The following SATB2 variants were observed in gnomAD, a reference collection of about 807,000 sequenced individuals.
The protein encoded by SATB2 is SATB homeobox 2.
SATB2 carries 1 observed loss-of-function variant against 73.4 expected under a neutral mutation model. That is an observed-to-expected ratio of 0.01 (90% CI 0.00 to 0.06). The LOEUF is 0.06. Ranked by LOEUF, SATB2 falls within the 10% of genes least tolerant of loss-of-function variation. The pLI is 1.00. For missense variants in SATB2, 459 were observed against 945.8 expected (o/e 0.49, Z 6.75); for synonymous variants, 397 against 367.0 (o/e 1.08, Z -0.93).
chr2:199,332,875 G>A (rs1181226916), intron 7 of SATB2, among the ~76,000 whole-genome samples: 1 of 152,076 alleles, frequency 6.6e-6, no homozygotes, highest in East Asian at 1.9e-4. Flanking sequence ...GGACAGGTGA[G>A]AAATTACCTT....
upstream of SATB2, chr2:199,460,665 T>C (rs1277806366): frequency 6.6e-6 from 1 of 152,342 alleles, no homozygotes; most frequent in African/African-American, 2.4e-5. The surrounding 1 kb of genome is among the most constrained non-coding windows in gnomAD (Gnocchi z 4.0). Context: ...AACACCACTG[T>C]CTGAAGATCT....
At chr2:199,336,928 T>C (rs1688353511) in intron 7 of SATB2, among the ~76,000 whole-genome samples, 1 of 152,216 alleles carries the variant, frequency 6.6e-6, no homozygotes, top group African/African-American at 2.4e-5. Context: ...AAAATAATTC[T>C]GCTTCCCTTA....
intron 9 of SATB2, among the ~76,000 whole-genome samples, chr2:199,311,912 G>A (rs906925623): frequency 2.0e-5 from 3 of 152,142 alleles, no homozygotes; most frequent in African/African-American, 7.2e-5. Flanking sequence ...GTGCCACGCA[G>A]TTGCATGAAC....
intron 5 of SATB2, among the ~76,000 whole-genome samples, chr2:199,372,684 C>T (rs2105855508): frequency 6.6e-6 from 1 of 152,268 alleles, no homozygotes; most frequent in Non-Finnish European, 1.5e-5. Flanking sequence ...GAAACATTCA[C>T]CACCACCTCC....
rs1489023401 is a variant in SATB2 at position 199,463,600 on chromosome 2, C to T, written c.-141+1236G>A. ...CGTGGGCTGAGGCCGAAACCTTCGG[C>T]GCCGGCTCTGCCGGTCGCGTCCCGG... On this transcript the variant is annotated intron_variant, in intron 1 of 11. Coordinates refer to the SATB2 transcript ENST00000260926. The surrounding 1 kb of genome is among the most constrained non-coding windows in gnomAD (Gnocchi z 6.4). 6.6e-6 allele frequency among the ~76,000 whole-genome samples: 1 copy of T among 152,198 alleles called. No homozygotes were observed. Among genetic ancestry groups the T allele is most frequent in the East Asian group, 1.9e-4 (1 of 5,174 alleles).
intron 6 of SATB2, among the ~76,000 whole-genome samples, chr2:199,351,166 T>C (rs553640968): frequency 2.6e-5 from 4 of 151,632 alleles, no homozygotes; most frequent in African/African-American, 9.7e-5. Context: ...GCTTGCTTTT[T>C]TTTTTTTTTT....
chr2:199,299,920 C>T (rs1031876122), intron 10 of SATB2, among the ~76,000 whole-genome samples: 2 of 152,100 alleles, frequency 1.3e-5, no homozygotes, highest in African/African-American at 4.8e-5. Flanking sequence ...AATGACACAT[C>T]AATATCTACA....
intron 3 of SATB2, among the ~76,000 whole-genome samples, chr2:199,409,743 T>A (rs1340152205): frequency 6.6e-6 from 1 of 152,044 alleles, no homozygotes; most frequent in African/African-American, 2.4e-5. Flanking sequence ...GAAGGAGGAA[T>A]CTTTACTTGA....
At chr2:199,288,808 T>C (rs1692762028) in intron 10 of SATB2, among the ~76,000 whole-genome samples, 1 of 152,140 alleles carries the variant, frequency 6.6e-6, no homozygotes, top group Non-Finnish European at 1.5e-5. Context: ...TGACATATTA[T>C]AGTTTATTAT....
At chr2:199,383,826 A>G (rs1689849205) in intron 3 of SATB2, among the ~76,000 whole-genome samples, 1 of 152,218 alleles carries the variant, frequency 6.6e-6, no homozygotes, top group African/African-American at 2.4e-5. Flanking sequence ...CAGACACAAC[A>G]GAATATATCT....
intron 7 of SATB2, among the ~76,000 whole-genome samples, chr2:199,346,517 T>C (rs1275350270): frequency 3.9e-5 from 6 of 152,176 alleles, no homozygotes; most frequent in Non-Finnish European, 8.8e-5. Context: ...TTAAATCGCC[T>C]ACATAATAGA....
intron 6 of SATB2, among the ~76,000 whole-genome samples, chr2:199,351,209 T>G (rs1688809842): frequency 6.6e-6 from 1 of 151,196 alleles, no homozygotes; most frequent in South Asian, 2.1e-4. Flanking sequence ...TTGCCCAGGC[T>G]ATAGTGCAAT....
intron 7 of SATB2, among the ~76,000 whole-genome samples, chr2:199,338,008 T>A (rs553267623): frequency 2.0e-5 from 3 of 152,284 alleles, no homozygotes; most frequent in African/African-American, 7.2e-5. Context: ...ACTGTAAATA[T>A]AACATCACTC....
At chr2:199,336,685 A>T (rs1258445135) in intron 7 of SATB2, among the ~76,000 whole-genome samples, 2 of 152,210 alleles carry the variant, frequency 1.3e-5, no homozygotes, top group South Asian at 2.1e-4. Flanking sequence ...GACACGTCAC[A>T]GTCCTAATGA....
chr2:199,386,697 C>CGT (rs1286903606), intron 3 of SATB2, among the ~76,000 whole-genome samples: 7 of 382 alleles, frequency 0.018, no homozygotes, highest in African/African-American at 0.032. Flanking sequence ...CGTGCGCAAG[C>CGT]GCGCGCGCGC....
At chr2:199,314,913 A>C (rs2105777890) in intron 9 of SATB2, among the ~76,000 whole-genome samples, 1 of 152,174 alleles carries the variant, frequency 6.6e-6, no homozygotes, top group Middle Eastern at 3.4e-3. Context: ...CTTTTTAAGA[A>C]GAAGTTGTTG....
At chr2:199,419,754 T>C (rs1462373701) in intron 3 of SATB2, among the ~76,000 whole-genome samples, 1 of 152,206 alleles carries the variant, frequency 6.6e-6, no homozygotes, top group Non-Finnish European at 1.5e-5. Flanking sequence ...TCAGAAAACA[T>C]AATTTATAAT....
chr2:199,328,601 A>G (rs1337638994), intron 8 of SATB2, 97 bp downstream of exon 8: 2 of 869,722 alleles, frequency 2.3e-6, no homozygotes, highest in Non-Finnish European at 3.8e-6. Context: ...AAATCCTTGA[A>G]TTATGTCTCT....
At chr2:199,296,370 C>G (rs1239558642) in intron 10 of SATB2, among the ~76,000 whole-genome samples, 1 of 152,088 alleles carries the variant, frequency 6.6e-6, no homozygotes, top group Admixed American at 6.6e-5. Context: ...CTGCAATCAC[C>G]TAATTCATGT....
Sources: allele counts gnomAD v4.1 joint callset (sites outside exome capture counted in the v4.1 genomes callset), GRCh38; gene constraint gnomAD v4.1.1; non-coding constraint Gnocchi (gnomAD v3.1); transcripts MANE v1.5; gene names NCBI Gene and HGNC (gene_info 2026-07-23, HGNC 2026-07-21).